The following PARN variants were observed in gnomAD, a reference collection of about 807,000 sequenced individuals.
The protein encoded by PARN is poly(A)-specific ribonuclease PARN.
PARN carries 71 observed loss-of-function variants against 102.8 expected under a neutral mutation model. The ratio of observed to expected loss-of-function variants is 0.69; its 90% CI spans 0.57 to 0.84. PARN has a LOEUF of 0.84. PARN is among the 40% of genes least tolerant of loss of function. The pLI is 0.00. For synonymous variants in PARN, 261 were observed against 252.9 expected (o/e 1.03, Z -0.30); for missense variants, 782 against 760.9 (o/e 1.03, Z -0.33).
intron 15 of PARN, 146 bp from the exon 16 acceptor site, chr16:14,584,568 T>C (rs1302526040): frequency 3.8e-6 from 3 of 799,728 alleles, no homozygotes; most frequent in Non-Finnish European, 6.0e-6. Context: ...TTCGTTTTTT[T>C]CAATGTGAAA....
chr16:14,475,051 C>T (rs766322958), intron 22 of PARN, among the ~76,000 whole-genome samples: 4 of 152,254 alleles, frequency 2.6e-5, no homozygotes, highest in Middle Eastern at 3.4e-3. Context: ...AGCAGGAATT[C>T]GGAGAGCTAC....
In PARN at chr16:14,610,588, T is replaced by A; in HGVS notation, c.554+56A>T. On this transcript the variant is annotated intron_variant, in intron 7 of 23. Transcript: ENST00000437198. ...AGCACAGGTTTGAGATATAGATGCC[T>A]GTCATCCCCAATATATAGCACACAA... 2.8e-6 allele frequency: 3 copies of A among 1,065,546 alleles called. No homozygotes were observed. The East Asian group carries it at 7.1e-5, about 25-fold the overall frequency. The allele number at this position is 1,065,546 out of a possible 1,614,324, so 66.0% of individuals were successfully genotyped here.
chr16:14,491,566 C>A (rs1191204649), intron 21 of PARN, among the ~76,000 whole-genome samples: 2 of 151,954 alleles, frequency 1.3e-5, no homozygotes, highest in African/African-American at 2.4e-5. Context: ...GAATTTGAGA[C>A]CAGCCTGGAC....
At chr16:14,509,451 C>T (rs1596540710) in intron 21 of PARN, among the ~76,000 whole-genome samples, 1 of 152,152 alleles carries the variant, frequency 6.6e-6, no homozygotes, top group African/African-American at 2.4e-5. Context: ...TTTTCTTTGG[C>T]TAACAGTTTA....
At chr16:14,443,179 TA>T (rs966103403) in intron 23 of PARN, among the ~76,000 whole-genome samples, 3 of 152,186 alleles carry the variant, frequency 2.0e-5, no homozygotes, top group Non-Finnish European at 4.4e-5. Context: ...ATAAACCCAA[TA>T]AATAGTCCTT....
intron 22 of PARN, among the ~76,000 whole-genome samples, chr16:14,480,394 A>G (rs1180930134): frequency 1.2e-4 from 19 of 152,228 alleles, no homozygotes; most frequent in Admixed American, 1.2e-3. Flanking sequence ...ATGAATAGGT[A>G]AACCACAGAA....
At chr16:14,459,849 A>G (rs2151571357) in intron 22 of PARN, among the ~76,000 whole-genome samples, 1 of 152,336 alleles carries the variant, frequency 6.6e-6, no homozygotes, top group Middle Eastern at 3.4e-3. Flanking sequence ...ACCCATACGT[A>G]TATGACCAAA....
At chr16:14,462,785 C>A (rs1962067780) in intron 22 of PARN, among the ~76,000 whole-genome samples, 1 of 152,080 alleles carries the variant, frequency 6.6e-6, no homozygotes, top group Admixed American at 6.6e-5. Flanking sequence ...CCATTCCAGC[C>A]AAGATGGAAT....
chr16:14,522,359 C>T (rs1408431940), intron 21 of PARN, among the ~76,000 whole-genome samples: 4 of 152,048 alleles, frequency 2.6e-5, no homozygotes, highest in African/African-American at 7.2e-5. Context: ...TTCCTAAATG[C>T]ACAAATCTCA....
At chr16:14,509,790 T>C (rs1331309958) in intron 21 of PARN, among the ~76,000 whole-genome samples, 1 of 152,242 alleles carries the variant, frequency 6.6e-6, no homozygotes, top group Non-Finnish European at 1.5e-5. Flanking sequence ...TCCATGTTTT[T>C]CTATTCTTCA....
chr16:14,599,973 AT>A lies in PARN; in HGVS notation c.784-14del, dbSNP rs780187561. On this transcript the variant is annotated splice_polypyrimidine_tract_variant and intron_variant, in intron 11 of 23. Coordinates refer to ENST00000437198, the MANE Select transcript of PARN (RefSeq NM_002582.4). ...CATTCAGCTCCTCCTAATTAAAAAA[AT>A]ATATACATATGTATTATTGATGTAT... 2.0e-5 allele frequency: 29 copies of A among 1,454,152 alleles called. No homozygotes were observed. Among genetic ancestry groups the A allele is most frequent in the Non-Finnish European group, 2.5e-5 (26 of 1,046,028 alleles). 90.1% of individuals were successfully genotyped at this position (1,454,152 alleles called of 1,614,324 possible). A position where few individuals can be genotyped will look rare whatever the true frequency, so the allele number is the denominator to read the frequency against.
intron 6 of PARN, among the ~76,000 whole-genome samples, chr16:14,614,871 A>G (rs1030717118): frequency 6.7e-6 from 1 of 149,808 alleles, no homozygotes; most frequent in Non-Finnish European, 1.5e-5. Flanking sequence ...AAAAAAAAAA[A>G]AAAAAAAGAA....
chr16:14,563,699 C>CT (rs748320042), intron 18 of PARN, among the ~76,000 whole-genome samples: 1,418 of 132,636 alleles, frequency 0.011, 23 homozygotes, highest in African/African-American at 0.032. Context: ...CCGCACCTGG[C>CT]TTTTTTTTTT....
chr16:14,563,520 GTGTA>G (rs1393709971), intron 18 of PARN, among the ~76,000 whole-genome samples: 3 of 74,930 alleles, frequency 4.0e-5, no homozygotes, highest in Admixed American at 1.3e-4. Context: ...GTGTGTGTGT[GTGTA>G]TATAATTCTT....
intron 21 of PARN, among the ~76,000 whole-genome samples, chr16:14,526,620 A>G (rs1966024853): frequency 6.6e-6 from 1 of 152,228 alleles, no homozygotes; most frequent in Non-Finnish European, 1.5e-5. Flanking sequence ...CACACAAAGG[A>G]AAAGTCAAGG....
intron 18 of PARN, among the ~76,000 whole-genome samples, chr16:14,580,117 G>A (rs548634629): frequency 7.9e-5 from 12 of 151,918 alleles, no homozygotes; most frequent in Non-Finnish European, 2.9e-5. Flanking sequence ...TTCTACAGGC[G>A]CCCGCCACCG....
intron 5 of PARN, among the ~76,000 whole-genome samples, chr16:14,626,685 C>G (rs184978217): frequency 6.6e-5 from 10 of 151,344 alleles, no homozygotes; most frequent in African/African-American, 2.4e-4. Context: ...GATCTCGGCT[C>G]ACTGCAACCT....
intron 20 of PARN, 94 bp from the exon 21 acceptor site, chr16:14,552,189 T>C: frequency 4.0e-6 from 3 of 758,814 alleles, no homozygotes; most frequent in Admixed American, 2.2e-5. Context: ...GTATAGTCTA[T>C]CTTTAAAGAG....
At chr16:14,533,360 A>G (rs1055346050) in intron 21 of PARN, among the ~76,000 whole-genome samples, 1 of 150,604 alleles carries the variant, frequency 6.6e-6, no homozygotes, top group Non-Finnish European at 1.5e-5. Context: ...GCAGCAGTAC[A>G]GTCCAGCTTC....
Sources: allele counts gnomAD v4.1 joint callset (sites outside exome capture counted in the v4.1 genomes callset), GRCh38; gene constraint gnomAD v4.1.1; transcripts MANE v1.5; gene names NCBI Gene and HGNC (gene_info 2026-07-23, HGNC 2026-07-21).